FMNL2: variants seen among roughly 807,000 people sequenced by gnomAD.
The protein encoded by FMNL2 is formin-like protein 2.
In FMNL2, 51 loss-of-function variants were observed where a neutral mutation model predicts 130.2. That is an observed-to-expected ratio of 0.39 (90% CI 0.31 to 0.49). The LOEUF (loss-of-function observed/expected upper bound fraction) is 0.49. Ranked by LOEUF, FMNL2 falls within the 20% of genes least tolerant of loss-of-function variation. The probability of loss-of-function intolerance (pLI) is 0.85; values close to 1 mark genes in which losing one functional copy is unlikely to be tolerated. For synonymous variants in FMNL2, 465 were observed against 467.1 expected (o/e 1.00, Z 0.06); for missense variants, 977 against 1,316.2 (o/e 0.74, Z 3.99).
chr2:152,414,553 G>C (rs1181493342), intron 1 of FMNL2, among the ~76,000 whole-genome samples: 1 of 152,196 alleles, frequency 6.6e-6, no homozygotes, highest in Non-Finnish European at 1.5e-5. Context: ...CTCTTTCATA[G>C]CAAGGACTAT....
At chr2:152,350,367 C>T (rs934221501) in intron 1 of FMNL2, among the ~76,000 whole-genome samples, 4 of 152,212 alleles carry the variant, frequency 2.6e-5, no homozygotes, top group Non-Finnish European at 5.9e-5. Context: ...TGTCCCCTCA[C>T]TCTGTTGTCG....
intron 2 of FMNL2, among the ~76,000 whole-genome samples, chr2:152,526,922 C>A (rs999556944): frequency 6.6e-6 from 1 of 151,876 alleles, no homozygotes; most frequent in Non-Finnish European, 1.5e-5. Context: ...TTAATATCTC[C>A]TGTTGTCCAG....
At chr2:152,414,500 G>C (rs986417979) in intron 1 of FMNL2, among the ~76,000 whole-genome samples, 2 of 152,162 alleles carry the variant, frequency 1.3e-5, no homozygotes, top group African/African-American at 4.8e-5. Flanking sequence ...GAGCTCCCTA[G>C]AATAAAGATG....
intron 15 of FMNL2, among the ~76,000 whole-genome samples, chr2:152,622,917 C>T (rs1017170461): frequency 1.1e-4 from 17 of 151,800 alleles, no homozygotes; most frequent in Non-Finnish European, 2.2e-4. Flanking sequence ...TCCATTCCCT[C>T]CCTCATGCTG....
intron 1 of FMNL2, among the ~76,000 whole-genome samples, chr2:152,400,669 T>C (rs1439180179): frequency 6.6e-6 from 1 of 152,162 alleles, no homozygotes; most frequent in Non-Finnish European, 1.5e-5. Flanking sequence ...TTAACACTAT[T>C]TATGCATTTG....
intron 1 of FMNL2, among the ~76,000 whole-genome samples, chr2:152,391,449 G>A (rs1685101860): frequency 6.6e-6 from 1 of 152,202 alleles, no homozygotes; most frequent in Admixed American, 6.5e-5. Flanking sequence ...GCTGGGAGGA[G>A]TGGAGTTCAC....
intron 4 of FMNL2, 52 bp downstream of exon 4, chr2:152,549,149 A>G: frequency 7.8e-7 from 1 of 1,285,678 alleles, no homozygotes; most frequent in African/African-American, 1.5e-5. Flanking sequence ...ACACTTTACA[A>G]AGTAACTGAA....
chr2:152,526,050 T>A (rs1394775719), intron 2 of FMNL2, among the ~76,000 whole-genome samples: 2 of 152,214 alleles, frequency 1.3e-5, no homozygotes, highest in East Asian at 3.8e-4. Flanking sequence ...TCTAAAACAT[T>A]AAAGAGCAAA....
chr2:152,357,041 AATATATCACG>A (rs1682847553), intron 1 of FMNL2, among the ~76,000 whole-genome samples: 1 of 140,458 alleles, frequency 7.1e-6, no homozygotes, highest in Non-Finnish European at 1.6e-5. Flanking sequence ...ACATAAGTTT[AATATATCACG>A]ATAAATATTA....
chr2:152,537,157 G>C (rs185133797), intron 2 of FMNL2, among the ~76,000 whole-genome samples: 11 of 152,316 alleles, frequency 7.2e-5, no homozygotes, highest in Non-Finnish European at 1.5e-4. Flanking sequence ...AGTAGAAAAG[G>C]CTATGTTGTA....
chr2:152,501,269 G>A (rs950044667), intron 1 of FMNL2, among the ~76,000 whole-genome samples: 12 of 152,158 alleles, frequency 7.9e-5, no homozygotes, highest in Admixed American at 6.5e-4. Flanking sequence ...TTGCTATATT[G>A]TTGATGTAAG....
intron 1 of FMNL2, among the ~76,000 whole-genome samples, chr2:152,470,147 A>G (rs1473476110): frequency 6.6e-6 from 1 of 152,156 alleles, no homozygotes; most frequent in Non-Finnish European, 1.5e-5. Context: ...CCTCCCTAAT[A>G]AAGGACAAAG....
chr2:152,613,486 C>T (rs1698791030), intron 11 of FMNL2, among the ~76,000 whole-genome samples: 1 of 152,110 alleles, frequency 6.6e-6, no homozygotes, highest in East Asian at 1.9e-4. Context: ...TCACTTGTGA[C>T]TCATAAATGA....
intron 9 of FMNL2, among the ~76,000 whole-genome samples, chr2:152,606,867 G>A (rs1698386160): frequency 6.6e-6 from 1 of 151,630 alleles, no homozygotes; most frequent in South Asian, 2.1e-4. Flanking sequence ...CTGTATTGTA[G>A]TTTATGCACT....
chr2:152,614,383 A>G (rs1169956586), intron 11 of FMNL2, among the ~76,000 whole-genome samples: 4 of 152,272 alleles, frequency 2.6e-5, no homozygotes, highest in African/African-American at 4.8e-5. Context: ...CAGTCACTCC[A>G]TAATTCTCTT....
Position 152,390,028 on chromosome 2 carries a change from A to G in FMNL2, c.117+54308A>G, listed in dbSNP as rs1034215655. The G allele has an allele frequency of 3.2e-6, 5 of 1,581,334 alleles. No homozygotes were observed. The African/African-American group carries it at 4.0e-5, about 13-fold the overall frequency. Reference sequence around the variant, plus strand: ...ATTGACCAGAAAAAGGATGCAGAGAATCATGAGGCCCAGCTCAAGAACGGC... The same window carrying G: ...ATTGACCAGAAAAAGGATGCAGAGAGTCATGAGGCCCAGCTCAAGAACGGC... On this transcript the variant is annotated intron_variant, in intron 1 of 25. Coordinates refer to ENST00000288670, the MANE Select transcript of FMNL2 (RefSeq NM_052905.4).
At chr2:152,494,545 A>C (rs531584713) in intron 1 of FMNL2, among the ~76,000 whole-genome samples, 1 of 152,346 alleles carries the variant, frequency 6.6e-6, no homozygotes, top group Admixed American at 6.5e-5. Context: ...ATCAAATTAA[A>C]ATTTCATAAA....
chr2:152,562,378 T>C (rs1056397243), intron 6 of FMNL2, among the ~76,000 whole-genome samples: 1 of 152,236 alleles, frequency 6.6e-6, no homozygotes, highest in Non-Finnish European at 1.5e-5. Context: ...TGTTGTAGAA[T>C]CCATATGTCA....
chr2:152,535,018 G>A (rs192360851), intron 2 of FMNL2, among the ~76,000 whole-genome samples: 1 of 152,296 alleles, frequency 6.6e-6, no homozygotes, highest in Admixed American at 6.5e-5. Context: ...GTCCAGTCTA[G>A]CGCAGAAATG....
Sources: gnomAD v4.1 joint callset for allele counts (sites outside exome capture counted in the v4.1 genomes callset) on GRCh38, gnomAD v4.1.1 for gene constraint, MANE v1.5 for transcripts, NCBI Gene and HGNC (gene_info 2026-07-23, HGNC 2026-07-21) for gene names.